ZHX3: variants seen among roughly 807,000 people sequenced by gnomAD.
ZHX3 encodes zinc fingers and homeoboxes protein 3.
In ZHX3, 20 loss-of-function variants were observed where a neutral mutation model predicts 64.5. The observed-to-expected ratio is 0.31, with a 90% CI of 0.22 to 0.45. The LOEUF (loss-of-function observed/expected upper bound fraction) is 0.45, where lower values mean the gene tolerates loss of function less well. Among genes scored for constraint, ZHX3 ranks in the 20% least tolerant of loss-of-function variants. The pLI, the probability that ZHX3 is intolerant of heterozygous loss-of-function variation, is 1.00. For missense variants in ZHX3, 1,041 were observed against 1,195.8 expected, an observed-to-expected ratio of 0.87 and a Z score of 1.91; for synonymous variants, 423 against 461.6, an observed-to-expected ratio of 0.92 and a Z score of 1.07.
At chr20:41,262,026 A>G (rs1402701098) in intron 2 of ZHX3, among the ~76,000 whole-genome samples, 1 of 152,178 alleles carries the variant, frequency 6.6e-6, no homozygotes, top group African/African-American at 2.4e-5. Context: ...CTAACAAACA[A>G]AAACTCCTCT....
chr20:41,221,687 T>C (rs966590834), intron 2 of ZHX3, among the ~76,000 whole-genome samples: 2 of 152,098 alleles, frequency 1.3e-5, no homozygotes, highest in Admixed American at 1.3e-4. Flanking sequence ...GACTGCAATT[T>C]AGATATACAG....
intron 1 of ZHX3, among the ~76,000 whole-genome samples, chr20:41,310,502 T>C (rs909510064): frequency 1.6e-4 from 25 of 152,258 alleles, no homozygotes; most frequent in Non-Finnish European, 7.3e-5. Flanking sequence ...CCATTATGCT[T>C]AAACTGAGTC....
At chr20:41,301,373 C>T (rs575924785) in intron 1 of ZHX3, among the ~76,000 whole-genome samples, 1 of 152,276 alleles carries the variant, frequency 6.6e-6, no homozygotes, top group South Asian at 2.1e-4. Flanking sequence ...TTCTCACTGA[C>T]CTTAGAATAG....
At chr20:41,309,102 C>T (rs1410743234) in intron 1 of ZHX3, among the ~76,000 whole-genome samples, 4 of 152,034 alleles carry the variant, frequency 2.6e-5, no homozygotes, top group Admixed American at 2.0e-4. Flanking sequence ...AACAGCTATA[C>T]TTTGAATTAT....
intron 2 of ZHX3, chr20:41,239,655 TCTC>T (rs2041253157): frequency 6.6e-6 from 1 of 152,142 alleles, no homozygotes; most frequent in African/African-American, 2.4e-5. Context: ...GACCAATCCT[TCTC>T]CTACCAGAAG....
intron 2 of ZHX3, among the ~76,000 whole-genome samples, chr20:41,257,191 C>T (rs964538610): frequency 1.3e-5 from 2 of 152,194 alleles, no homozygotes; most frequent in African/African-American, 4.8e-5. Flanking sequence ...CAGCAGCAAA[C>T]ACTGAGGCAA....
At chr20:41,245,930 T>G (rs1600490981) in intron 2 of ZHX3, among the ~76,000 whole-genome samples, 1 of 152,230 alleles carries the variant, frequency 6.6e-6, no homozygotes, top group South Asian at 2.1e-4. Flanking sequence ...AGAGACAGCT[T>G]GCAACATTCC....
intron 2 of ZHX3, among the ~76,000 whole-genome samples, chr20:41,241,029 C>G (rs2041347544): frequency 6.6e-6 from 1 of 152,020 alleles, no homozygotes; most frequent in Non-Finnish European, 1.5e-5. Flanking sequence ...GGGTATATAC[C>G]CAGCAGTGGG....
intron 2 of ZHX3, among the ~76,000 whole-genome samples, chr20:41,262,420 T>C (rs1413189811): frequency 6.6e-6 from 1 of 152,206 alleles, no homozygotes; most frequent in Non-Finnish European, 1.5e-5. Context: ...AACAGGGTGA[T>C]GTACCTGTGC....
chr20:41,205,668 T>C (rs993424539), intron 2 of ZHX3, among the ~76,000 whole-genome samples: 1 of 152,178 alleles, frequency 6.6e-6, no homozygotes, highest in African/African-American at 2.4e-5. Context: ...AGAAAAGCGA[T>C]CACCTTACAG....
At chr20:41,271,089 C>T (rs931885020) in intron 1 of ZHX3, among the ~76,000 whole-genome samples, 1 of 152,194 alleles carries the variant, frequency 6.6e-6, no homozygotes, top group African/African-American at 2.4e-5. Context: ...GGCACTATCT[C>T]GGCTCACTGC....
intron 1 of ZHX3, among the ~76,000 whole-genome samples, chr20:41,314,138 G>A (rs959726708): frequency 1.3e-5 from 2 of 151,988 alleles, no homozygotes; most frequent in Non-Finnish European, 2.9e-5. Context: ...CTCACATTAC[G>A]ACTTCTCTGT....
Position 41,232,151 on chromosome 20 carries a change from AT to A in ZHX3, c.-150-27086del, listed in dbSNP as rs1407155032. 6.6e-6 allele frequency among the ~76,000 whole-genome samples: 1 copy of A among 152,180 alleles called. No individual in the cohort carries two copies. Among genetic ancestry groups the A allele is most frequent in the Non-Finnish European group, 1.5e-5 (1 of 68,036 alleles). ...GGTAATGGCCACAGAAACGAAGACA[AT>A]TTTGCCTAGGCAAGAGAAAAGGCCG... On this transcript the variant is annotated intron_variant, in intron 2 of 3. Transcript: ENST00000683867. The surrounding 1 kb of genome is among the most constrained non-coding windows in gnomAD (Gnocchi z 5.0).
At position 41,310,298 on chromosome 20, in the gene ZHX3, T is replaced by A. The variant is rs538182655; in HGVS notation, c.-245+7211A>T. Among the ~76,000 whole-genome samples the A allele has an allele frequency of 2.8e-4, 42 of 152,338 alleles. 1 individual carries two copies. Among genetic ancestry groups the A allele is most frequent in the African/African-American group, 9.4e-4 (39 of 41,580 alleles). Reference sequence around the variant, plus strand: ...GGAGATCATGGACATTGTCTCAGGTTCATTACCCACTCTTCTTGACCTCAA... The same window carrying A: ...GGAGATCATGGACATTGTCTCAGGTACATTACCCACTCTTCTTGACCTCAA... On this transcript the variant is annotated intron_variant, in intron 1 of 3. Transcript: ENST00000683867.
intron 2 of ZHX3, 116 bp from the exon 3 acceptor site, chr20:41,205,182 G>A (rs2038597016): frequency 1.6e-5 from 6 of 382,388 alleles, no homozygotes; most frequent in Non-Finnish European, 2.6e-5. Context: ...TTCACAGTAA[G>A]TTTAATCAGC....
chr20:41,207,198 T>C (rs768930742), intron 2 of ZHX3, among the ~76,000 whole-genome samples: 29 of 152,108 alleles, frequency 1.9e-4, no homozygotes, highest in Non-Finnish European at 3.5e-4. Context: ...GCAAAAAACA[T>C]GCCAAATTGT....
rs2038377980 is a variant in ZHX3 at position 41,203,041 on chromosome 20, C to T, written c.1876G>A (p.Ala626Thr). 3 of 1,614,214 alleles carry T rather than the reference C, an allele frequency of 1.9e-6. No homozygotes were observed. The highest frequency in any genetic ancestry group is 4.5e-5 in the East Asian group (2 of 44,874). ...YKERAPEQLR[A>T]LESSFAQNPL... Reference sequence around the variant, plus strand: ...TTTTGTGCAAAACTGCTCTCCAGGGCTCTGAGCTGCTCAGGGGCTCTCTCC... The same window carrying T: ...TTTTGTGCAAAACTGCTCTCCAGGGTTCTGAGCTGCTCAGGGGCTCTCTCC... Residue 626 changes from alanine to threonine, a missense_variant, in exon 3 of 4, where the codon GCC becomes ACC. Physicochemically the swap from Ala to Thr is moderately conservative, Grantham distance 58. This residue lies in a region of ZHX3 where 649 missense variants were observed against 739.8 expected (regional missense o/e 0.88). Transcript: ENST00000683867. This position sits in a 1 kb window ranked among gnomAD's most constrained non-coding sequence, Gnocchi z 7.1.
At chr20:41,234,054 C>A (rs2040800775) in intron 2 of ZHX3, among the ~76,000 whole-genome samples, 1 of 152,198 alleles carries the variant, frequency 6.6e-6, no homozygotes, top group South Asian at 2.1e-4. Flanking sequence ...GCGAGACAGG[C>A]TGGAGTAGCA....
At chr20:41,258,315 A>G (rs1054870139) in intron 2 of ZHX3, among the ~76,000 whole-genome samples, 3 of 152,206 alleles carry the variant, frequency 2.0e-5, no homozygotes, top group African/African-American at 7.2e-5. Context: ...AGCATCTTAC[A>G]TAACCATTGT....
Sources: gnomAD v4.1 joint callset for allele counts (sites outside exome capture counted in the v4.1 genomes callset) on GRCh38, gnomAD v4.1.1 for gene constraint, gnomAD v4.1.1 regional missense constraint, Gnocchi (gnomAD v3.1) non-coding constraint, MANE v1.5 for transcripts, NCBI Gene and HGNC (gene_info 2026-07-23, HGNC 2026-07-21) for gene names.